Variants in ZDHHC1 observed in about 807,000 individuals in gnomAD.
ZDHHC1 encodes zDHHC palmitoyltransferase 1.
Under a neutral mutation model 46.9 loss-of-function variants are expected in ZDHHC1, and 45 were observed. That is an observed-to-expected ratio of 0.96 (90% confidence interval 0.76 to 1.23). The LOEUF (loss-of-function observed/expected upper bound fraction) is 1.23. Ranked by LOEUF, ZDHHC1 falls within the 50% of genes most tolerant of loss-of-function variation. The pLI, the probability that ZDHHC1 is intolerant of heterozygous loss-of-function variation, is 0.00. For missense variants in ZDHHC1, 649 were observed against 670.8 expected (o/e 0.97, Z 0.36); for synonymous variants, 291 against 286.0 (o/e 1.02, Z -0.18).
intron 1 of ZDHHC1, among the ~76,000 whole-genome samples, chr16:67,415,072 T>C (rs546951409): frequency 2.0e-5 from 3 of 151,242 alleles, no homozygotes; most frequent in Admixed American, 6.6e-5. Flanking sequence ...GAGGTGGAGG[T>C]TGCAGTGAGC....
intron 5 of ZDHHC1, 141 bp downstream of exon 5, chr16:67,399,214 G>A: frequency 1.2e-6 from 1 of 841,994 alleles, no homozygotes. Context: ...CACTCTCTCT[G>A]GGCAGCACCC....
chr16:67,396,421 C>G (rs1157378128), intron 8 of ZDHHC1: 1 of 152,282 alleles, frequency 6.6e-6, no homozygotes, highest in Non-Finnish European at 1.5e-5. Context: ...GGACAGCTGT[C>G]GCCAGTTCAG....
At chr16:67,405,211 A>T (rs924163038) in intron 3 of ZDHHC1, among the ~76,000 whole-genome samples, 1 of 152,188 alleles carries the variant, frequency 6.6e-6, no homozygotes, top group South Asian at 2.1e-4. Context: ...GCGGTTTCCT[A>T]AAAGAGCATG....
chr16:67,406,382 G>T lies in ZDHHC1; in HGVS notation c.70C>A (p.Pro24Thr). ...GGGGAGGGTCCGCTGGGCTGTGCCG[G>T]TGCCGTCCACACACTCTTCTCAGGG... ...TAPEKSVWTA[P>T]AQPSGPSPEL... The change falls in exon 3 of 12, where the codon CCG (proline) becomes ACG (threonine). Residue 24 changes from proline (P) to threonine (T), a missense_variant. Pro to Thr is a conservative substitution (Grantham distance 38, BLOSUM62 -1). Transcript: ENST00000565726. This position sits in a 1 kb window ranked among gnomAD's most constrained non-coding sequence, Gnocchi z 4.1. The T allele has an allele frequency of 6.3e-7, 1 of 1,579,704 alleles. No homozygotes were observed. Among genetic ancestry groups the T allele is most frequent in the Non-Finnish European group, 8.6e-7 (1 of 1,162,636 alleles).
At chr16:67,400,909 T>C in intron 4 of ZDHHC1, 48 bp downstream of exon 4, 1 of 1,594,134 alleles carries the variant, frequency 6.3e-7, no homozygotes, top group South Asian at 1.1e-5. Flanking sequence ...CTCTCCACCA[T>C]ACACCCCACA....
chr16:67,409,575 C>T (rs567176362), intron 1 of ZDHHC1, among the ~76,000 whole-genome samples: 1 of 152,224 alleles, frequency 6.6e-6, no homozygotes, highest in Admixed American at 6.5e-5. Context: ...CAAATTCCTT[C>T]GGCCCAAAAG....
At chr16:67,414,948 C>T (rs533127712) in intron 1 of ZDHHC1, among the ~76,000 whole-genome samples, 2 of 151,930 alleles carry the variant, frequency 1.3e-5, no homozygotes, top group East Asian at 3.9e-4. Flanking sequence ...ACCAGCCTGG[C>T]CAACATGTTG....
intron 5 of ZDHHC1, 88 bp downstream of exon 5, chr16:67,399,267 G>A (rs2040497796): frequency 1.0e-5 from 13 of 1,240,062 alleles, no homozygotes; most frequent in Admixed American, 8.2e-5. Flanking sequence ...CCCCATCCCC[G>A]CCCGCCTGCC....
intron 9 of ZDHHC1, 85 bp downstream of exon 9, chr16:67,395,399 C>A (rs2040409588): frequency 1.5e-5 from 23 of 1,537,592 alleles, no homozygotes; most frequent in Non-Finnish European, 1.9e-5. Context: ...CATGCCCCGA[C>A]CTTAGCCTAC....
Position 67,400,956 on chromosome 16 carries a change from C to T in ZDHHC1, c.428+1G>A. 5 of 1,613,402 alleles carry T rather than the reference C, an allele frequency of 3.1e-6. No individual in the cohort carries two copies. Among genetic ancestry groups the T allele is most frequent in the Non-Finnish European group, 3.4e-6 (4 of 1,179,702 alleles). ...AGCCACAAGCACCCACACACACTCA[C>T]ACATCCACGTTGCACAAGTTGCAGT... On this transcript the variant is annotated splice_donor_variant, in intron 4 of 11. Coordinates refer to ENST00000565726, the MANE Select transcript of ZDHHC1 (RefSeq NM_001323627.2). LOFTEE classifies it high-confidence loss of function.
intron 1 of ZDHHC1, among the ~76,000 whole-genome samples, chr16:67,411,731 G>GA (rs937485968): frequency 9.3e-5 from 14 of 151,142 alleles, no homozygotes; most frequent in African/African-American, 2.9e-4. Flanking sequence ...GATAAAAAAA[G>GA]AAAAAAAAGG....
intron 1 of ZDHHC1, among the ~76,000 whole-genome samples, chr16:67,415,330 G>T (rs1183503730): frequency 1.3e-5 from 2 of 151,666 alleles, no homozygotes; most frequent in African/African-American, 2.4e-5. Flanking sequence ...GTGGTGGCGG[G>T]TATCTGTAGT....
Position 67,394,666 on chromosome 16 carries a change from TCACGAAAACGGCGGGCG to T in ZDHHC1, c.1376_1392del (p.Ala459GlufsTer34). ...GCCCTGGGCTCGCCGCTGCTCGGGC[TCACGAAAACGGCGGGCG>T]CACGCGCCTGCCGCGCCAGCGTGGG... is the stretch of plus-strand genomic sequence containing the variant. On this transcript the variant is annotated frameshift_variant, in exon 12 of 12. Transcript: ENST00000565726. LOFTEE classifies it low-confidence loss of function (END_TRUNC). The T allele has an allele frequency of 2.4e-6, 3 of 1,247,870 alleles. No homozygotes were observed. The highest frequency in any genetic ancestry group is 3.0e-6 in the Non-Finnish European group (3 of 998,614). 77.3% of individuals were successfully genotyped at this position (1,247,870 alleles called of 1,614,324 possible).
chr16:67,397,715 C>T (rs1358500317), intron 8 of ZDHHC1, among the ~76,000 whole-genome samples: 4 of 152,208 alleles, frequency 2.6e-5, no homozygotes, highest in African/African-American at 9.7e-5. Context: ...CTGGCCTGGC[C>T]AGGCCGGCCA....
At position 67,406,136 on chromosome 16, in the gene ZDHHC1, G is replaced by C; in HGVS notation, c.252+64C>G. On this transcript the variant is annotated intron_variant, in intron 3 of 11. Coordinates refer to ENST00000565726, the MANE Select transcript of ZDHHC1 (RefSeq NM_001323627.2). The surrounding 1 kb of genome is among the most constrained non-coding windows in gnomAD (Gnocchi z 4.1). ...GCTCTCAACCCGGCTTTGGGCCTCCGCTGTGCCAGCCATCCTTTGCCTCCC... is the reference window on the plus strand; with the variant it reads ...GCTCTCAACCCGGCTTTGGGCCTCCCCTGTGCCAGCCATCCTTTGCCTCCC... The C allele has an allele frequency of 6.4e-7, 1 of 1,556,310 alleles. No individual in the cohort carries two copies. Among genetic ancestry groups the C allele is most frequent in the Admixed American group, 1.8e-5 (1 of 54,872 alleles).
chr16:67,399,280 G>A, intron 5 of ZDHHC1, 75 bp downstream of exon 5: 3 of 1,356,046 alleles, frequency 2.2e-6, no homozygotes, highest in South Asian at 2.6e-5. Flanking sequence ...CGCCTGCCAT[G>A]CGAGCTGCAA....
rs370858030 is a variant in ZDHHC1 at position 67,406,256 on chromosome 16, C to A, written c.196G>T (p.Gly66Cys). Reference protein sequence around the residue: ...WLLYLFFAVIGFGILVPLLPH... With the variant: ...WLLYLFFAVICFGILVPLLPH... ...AGGAGGGGAACAAGGATCCCAAAGC[C>A]GATCACAGCAAAGAAGAGGTACAGC... Residue 66 changes from glycine to cysteine, a missense_variant, in exon 3 of 12, where the codon GGC (glycine) becomes TGC (cysteine). Transcript: ENST00000565726. The surrounding 1 kb of genome is among the most constrained non-coding windows in gnomAD (Gnocchi z 4.1). 10 of 1,612,822 alleles carry A rather than the reference C, an allele frequency of 6.2e-6. No homozygotes were observed. The South Asian group carries it at 9.9e-5, about 16-fold the overall frequency.
Position 67,394,550 on chromosome 16 carries a change from G to A in ZDHHC1, c.*60C>T. ...AGTGCACTCGGTGCGGCAAGGATGG[G>A]GTGTTGCATAGAGAGTCAGGCCGGC... On this transcript the variant is annotated 3_prime_UTR_variant, in exon 12 of 12. Transcript: ENST00000565726. The A allele has an allele frequency of 8.9e-7, 1 of 1,122,776 alleles. No individual in the cohort carries two copies. Among genetic ancestry groups the A allele is most frequent in the Non-Finnish European group, 1.1e-6 (1 of 918,590 alleles). The allele number at this position is 1,122,776 out of a possible 1,614,324, so 69.6% of individuals were successfully genotyped here.
chr16:67,413,425 T>C (rs1341413043), intron 1 of ZDHHC1, among the ~76,000 whole-genome samples: 1 of 152,192 alleles, frequency 6.6e-6, no homozygotes, highest in East Asian at 1.9e-4. Flanking sequence ...TTACAAAAGA[T>C]TCTTTAGGGA....
Sources: allele counts gnomAD v4.1 joint callset (sites outside exome capture counted in the v4.1 genomes callset), GRCh38; gene constraint gnomAD v4.1.1; non-coding constraint Gnocchi (gnomAD v3.1); transcripts MANE v1.5; gene names NCBI Gene and HGNC (gene_info 2026-07-23, HGNC 2026-07-21).